ZYG11A: variants seen among roughly 807,000 people sequenced by gnomAD.
ZYG11A encodes zyg-11 family member A, cell cycle regulator.
In ZYG11A, 62 loss-of-function variants were observed where a neutral mutation model predicts 77.2. The ratio of observed to expected loss-of-function variants is 0.80; its 90% CI spans 0.65 to 0.99. ZYG11A has a LOEUF of 0.99. Ranked by LOEUF, ZYG11A falls within the 50% of genes least tolerant of loss-of-function variation. The pLI is 0.00. For synonymous variants in ZYG11A, 315 were observed against 324.6 expected, an observed-to-expected ratio of 0.97 and a Z score of 0.32; for missense variants, 828 against 896.8, an observed-to-expected ratio of 0.92 and a Z score of 0.98.
intron 1 of ZYG11A, among the ~76,000 whole-genome samples, chr1:52,852,011 T>G (rs1411691670): frequency 6.6e-6 from 1 of 151,190 alleles, no homozygotes; most frequent in Admixed American, 6.6e-5. Context: ...GCCTCCCGGG[T>G]TCAAGTGATT....
intron 8 of ZYG11A, among the ~76,000 whole-genome samples, chr1:52,869,445 TCTTAA>T (rs1646096325): frequency 6.6e-6 from 1 of 151,530 alleles, no homozygotes; most frequent in African/African-American, 2.4e-5. Flanking sequence ...TGGTGATGAC[TCTTAA>T]CGAGCCTGCT....
chr1:52,882,430 C>T (rs1196015732), intron 11 of ZYG11A, among the ~76,000 whole-genome samples: 1 of 152,150 alleles, frequency 6.6e-6, no homozygotes, highest in African/African-American at 2.4e-5. Context: ...GTTTTGTACA[C>T]CGTATATGGT....
intron 1 of ZYG11A, among the ~76,000 whole-genome samples, chr1:52,852,065 C>T (rs927335657): frequency 1.3e-5 from 2 of 152,094 alleles, no homozygotes; most frequent in Middle Eastern, 3.4e-3. Context: ...CAGGCGCCTG[C>T]CACCACTCTC....
At chr1:52,857,838 G>C in intron 3 of ZYG11A, 89 bp downstream of exon 3, 1 of 1,131,350 alleles carries the variant, frequency 8.8e-7, no homozygotes, top group Admixed American at 3.3e-5. Context: ...TAGGTATTAG[G>C]GTTACAGAGA....
intron 1 of ZYG11A, among the ~76,000 whole-genome samples, chr1:52,853,922 A>G (rs749226241): frequency 1.3e-5 from 2 of 152,038 alleles, no homozygotes; most frequent in Non-Finnish European, 2.9e-5. Context: ...GAAAAAAAGA[A>G]CTTAATGTTT....
At chr1:52,890,053 G>GTTTTTTTTTTTTTTTTTTT (rs67041059) in intron 13 of ZYG11A, among the ~76,000 whole-genome samples, 1 of 118,532 alleles carries the variant, frequency 8.4e-6, no homozygotes, top group Non-Finnish European at 1.7e-5. Context: ...ATCACTGCTT[G>GTTTTTTTTTTTTTTTTTTT]TTTTTTTTTT....
At chr1:52,847,701 C>G (rs566604603) in intron 1 of ZYG11A, among the ~76,000 whole-genome samples, 10 of 147,168 alleles carry the variant, frequency 6.8e-5, no homozygotes, top group Admixed American at 6.8e-4. Context: ...GACGGAGTCT[C>G]GCTCTGTTTC....
Position 52,877,713 on chromosome 1 carries a change from C to T in ZYG11A, c.1574C>T (p.Thr525Ile), listed in dbSNP as rs1318704941. ...CTAGCAATAGTAAAACAAAAGACTA[C>T]TGAGAATTTAGATGATGTCACCTTC... ...ELLAIVKQKT[T>I]ENLDDVTFLF... The change falls in exon 9 of 14, where the codon ACT becomes ATT. Residue 525 changes from threonine to isoleucine, a missense_variant. By Grantham distance (89) the Thr-to-Ile change is moderately conservative. Transcript: ENST00000371528. The T allele has an allele frequency of 6.4e-7, 1 of 1,551,794 alleles. No individual in the cohort carries two copies. The highest frequency in any genetic ancestry group is 8.7e-7 in the Non-Finnish European group (1 of 1,146,940).
intron 1 of ZYG11A, among the ~76,000 whole-genome samples, chr1:52,843,573 C>G (rs535747479): frequency 6.6e-6 from 1 of 152,346 alleles, no homozygotes; most frequent in African/African-American, 2.4e-5. Context: ...GTCCCCGTCC[C>G]GTCCCCAGCC....
chr1:52,847,363 C>T lies in ZYG11A; in HGVS notation c.90+4390C>T, dbSNP rs75591330. Among the ~76,000 whole-genome samples, 312 of 152,126 alleles carry T rather than the reference C, an allele frequency of 2.1e-3. 1 individual carries two copies. Among genetic ancestry groups the T allele is most frequent in the African/African-American group, 6.4e-3 (265 of 41,506 alleles). ...TACAGGTGTGAACCACGGTACCTGG[C>T]CTAATTTTGTATTTTTAGTACAGAC... is the stretch of plus-strand genomic sequence containing the variant. On this transcript the variant is annotated intron_variant, in intron 1 of 13. Transcript: ENST00000371528.
At chr1:52,859,652 C>T (rs1557436595) in intron 3 of ZYG11A, among the ~76,000 whole-genome samples, 1 of 114,338 alleles carries the variant, frequency 8.7e-6, no homozygotes. Flanking sequence ...TTATTTTTAT[C>T]TGTTTGTGTA....
At chr1:52,872,422 T>C (rs1405822697) in intron 8 of ZYG11A, among the ~76,000 whole-genome samples, 2 of 152,130 alleles carry the variant, frequency 1.3e-5, no homozygotes, top group African/African-American at 4.8e-5. Flanking sequence ...TTCAAAATGT[T>C]ACTGCTCATT....
chr1:52,892,509 C>T (rs992358611), intron 13 of ZYG11A, among the ~76,000 whole-genome samples: 2 of 149,000 alleles, frequency 1.3e-5, no homozygotes, highest in African/African-American at 5.0e-5. Flanking sequence ...GCCTGGGCAA[C>T]AAGAGCAAAA....
chr1:52,852,301 C>T (rs1167635947), intron 1 of ZYG11A, among the ~76,000 whole-genome samples: 1 of 151,480 alleles, frequency 6.6e-6, no homozygotes, highest in African/African-American at 2.4e-5. Context: ...CCCACCTCAT[C>T]TTCCCAAAGT....
chr1:52,857,664 G>A lies in ZYG11A; in HGVS notation c.923G>A (p.Arg308Gln), dbSNP rs1571844331. The change falls in exon 3 of 14, where the codon CGA becomes CAA. Residue 308 changes from arginine (R) to glutamine (Q), a missense_variant. Transcript: ENST00000371528. ...ITDEAVELFI[R>Q]LRPAMQFVGL... is the part of the protein sequence containing the mutation. Reference sequence around the variant, plus strand: ...GATGAAGCTGTAGAACTGTTTATACGACTGCGGCCTGCCATGCAATTTGTG... The same window carrying A: ...GATGAAGCTGTAGAACTGTTTATACAACTGCGGCCTGCCATGCAATTTGTG... The A allele has an allele frequency of 4.5e-6, 7 of 1,552,128 alleles. No individual in the cohort carries two copies. Among genetic ancestry groups the A allele is most frequent in the Non-Finnish European group, 5.2e-6 (6 of 1,147,082 alleles).
Position 52,881,554 on chromosome 1 carries a change from C to A in ZYG11A, c.1833C>A (p.Ser611Arg). The A allele has an allele frequency of 6.4e-7, 1 of 1,552,072 alleles. No homozygotes were observed. Among genetic ancestry groups the A allele is most frequent in the Non-Finnish European group, 8.7e-7 (1 of 1,147,068 alleles). Reference protein sequence around the residue: ...VLKHINSLLCSREMEVSYFAA... With the variant: ...VLKHINSLLCRREMEVSYFAA... The stretch of plus-strand genomic sequence containing the variant: ...AGCATATCAACAGTTTACTCTGTAG[C>A]AGGGAAATGGAAGTCAGCTATTTTG... Residue 611 changes from serine (S) to arginine (R), a missense_variant, in exon 11 of 14, where the codon AGC becomes AGA. Coordinates refer to ENST00000371528, the MANE Select transcript of ZYG11A (RefSeq NM_001004339.3).
intron 4 of ZYG11A, among the ~76,000 whole-genome samples, chr1:52,863,465 A>T (rs1645966520): frequency 6.6e-6 from 1 of 151,822 alleles, no homozygotes; most frequent in African/African-American, 2.4e-5. Flanking sequence ...AAATCCTGAG[A>T]CTCTGCCTAA....
chr1:52,882,822 GGTTTATTTTCATTTTTTT>G (rs1646383716), intron 11 of ZYG11A, among the ~76,000 whole-genome samples: 1 of 151,812 alleles, frequency 6.6e-6, no homozygotes, highest in African/African-American at 2.4e-5. Flanking sequence ...TTACCCTGTG[GGTTTATTTTCATTTTTTT>G]GTTTATTTTT....
chr1:52,851,547 G>A (rs2149989151), intron 1 of ZYG11A, among the ~76,000 whole-genome samples: 1 of 151,696 alleles, frequency 6.6e-6, no homozygotes, highest in East Asian at 1.9e-4. Context: ...ACAGGCACGA[G>A]CCACCACACC....
Sources: gnomAD v4.1 joint callset for allele counts (sites outside exome capture counted in the v4.1 genomes callset) on GRCh38, gnomAD v4.1.1 for gene constraint, MANE v1.5 for transcripts, NCBI Gene and HGNC (gene_info 2026-07-23, HGNC 2026-07-21) for gene names.